EXOC1: variants seen among roughly 807,000 people sequenced by gnomAD.
The protein encoded by EXOC1 is SEC3-like 1.
Under a neutral mutation model 107.7 loss-of-function variants are expected in EXOC1, and 67 were observed. The observed-to-expected ratio is 0.62, with a 90% CI of 0.51 to 0.76. The LOEUF is 0.76. Ranked by LOEUF, EXOC1 falls within the 30% of genes least tolerant of loss-of-function variation. The pLI is 0.00. For missense variants in EXOC1, 833 were observed against 1,055.7 expected, an observed-to-expected ratio of 0.79 and a Z score of 2.92; for synonymous variants, 348 against 353.5, an observed-to-expected ratio of 0.98 and a Z score of 0.17.
intron 11 of EXOC1, 134 bp from the exon 12 acceptor site, chr4:55,890,089 T>C (rs562626116): frequency 1.2e-5 from 9 of 754,342 alleles, no homozygotes; most frequent in African/African-American, 1.1e-4. Flanking sequence ...CTATCCCTTA[T>C]AGAAGATTTG....
In EXOC1 at chr4:55,877,904, T is replaced by G. The variant is rs764428602; in HGVS notation, c.1075-13T>G. ...TGTTGATTACATTTATTTACTTATT[T>G]TACTCACTTTAGGGTCATGATCAGA... On this transcript the variant is annotated splice_polypyrimidine_tract_variant and intron_variant, in intron 8 of 18. Coordinates refer to ENST00000381295, the MANE Select transcript of EXOC1 (RefSeq NM_001024924.2). The G allele has an allele frequency of 6.2e-7, 1 of 1,612,552 alleles. No individual in the cohort carries two copies. Among genetic ancestry groups the G allele is most frequent in the Non-Finnish European group, 8.5e-7 (1 of 1,179,508 alleles).
chr4:55,871,546 C>T (rs1357252009), intron 7 of EXOC1, among the ~76,000 whole-genome samples: 4 of 152,116 alleles, frequency 2.6e-5, no homozygotes, highest in African/African-American at 9.7e-5. Context: ...GAGTGTCCGT[C>T]AGAATCCCTA....
chr4:55,883,742 A>T (rs1723619828), intron 9 of EXOC1, 81 bp from the exon 10 acceptor site: 2 of 790,378 alleles, frequency 2.5e-6, no homozygotes, highest in African/African-American at 1.8e-5. Flanking sequence ...TAAAACAAGC[A>T]TGAAGGACTT....
chr4:55,868,816 C>T (rs533135331), intron 5 of EXOC1: 1 of 252,262 alleles, frequency 4.0e-6, no homozygotes, highest in Non-Finnish European at 7.6e-6. Context: ...TTGATTCGCT[C>T]AGCCTCTGAA....
chr4:55,896,736 T>C lies in EXOC1; in HGVS notation c.1973T>C (p.Met658Thr), dbSNP rs1725252427. The stretch of plus-strand genomic sequence containing the variant: ...CTTTAGAGTAACCAAATAAGGCAAA[T>C]GGAAGAAGTAAAGATCTCAAAAAAG... ...DKCISNQIRQMEEVKISKKSK... is the reference protein window; with the variant it reads ...DKCISNQIRQTEEVKISKKSK... Residue 658 changes from methionine (M) to threonine (T), a missense_variant, in exon 16 of 19, where the codon ATG becomes ACG. By Grantham distance (81) the Met-to-Thr change is moderately conservative. Around this residue, in one of 2 missense-constraint regions of EXOC1, gnomAD observed 216 missense variants for 354.4 expected, o/e 0.61. Coordinates refer to ENST00000381295, the MANE Select transcript of EXOC1 (RefSeq NM_001024924.2). 6.2e-7 allele frequency: 1 copy of C among 1,605,858 alleles called. No individual in the cohort carries two copies. The highest frequency in any genetic ancestry group is 1.3e-5 in the African/African-American group (1 of 74,280).
At chr4:55,884,094 T>C (rs57299829) in intron 10 of EXOC1, among the ~76,000 whole-genome samples, 166 bp downstream of exon 10, 9,611 of 152,306 alleles carry the variant, frequency 0.063, 377 homozygotes, top group Non-Finnish European at 0.077. Context: ...AGAACAAATA[T>C]GTATATCTGT....
At position 55,868,475 on chromosome 4, in the gene EXOC1, G is replaced by C. The variant is rs146961843; in HGVS notation, c.555G>C (p.Ala185=). ...MEGCEYAISN[A]EAFAEKLSRE... ...GCTGTGAATATGCAATCTCGAATGC[G>C]GAAGCCTTTGCAGAAAAATTGTCCA... The change falls in exon 5 of 19, where the codon GCG becomes GCC. Residue 185 remains alanine, a synonymous_variant. Transcript: ENST00000381295. The C allele has an allele frequency of 9.9e-6, 16 of 1,613,608 alleles. No individual in the cohort carries two copies. The highest frequency in any genetic ancestry group is 1.4e-5 in the Non-Finnish European group (16 of 1,179,792).
At chr4:55,886,583 A>C (rs11729246) in intron 10 of EXOC1, among the ~76,000 whole-genome samples, 24 of 149,234 alleles carry the variant, frequency 1.6e-4, no homozygotes, top group Non-Finnish European at 2.6e-4. Context: ...AACAAAAAAA[A>C]AAAAAACAAG....
At chr4:55,903,901 T>G (rs149300331) in intron 18 of EXOC1, among the ~76,000 whole-genome samples, 1 of 152,176 alleles carries the variant, frequency 6.6e-6, no homozygotes, top group Non-Finnish European at 1.5e-5. Context: ...AAGAAAACTT[T>G]AAATGTTATA....
intron 10 of EXOC1, among the ~76,000 whole-genome samples, chr4:55,887,435 C>G (rs1195668691): frequency 1.3e-5 from 2 of 151,900 alleles, no homozygotes; most frequent in Non-Finnish European, 2.9e-5. Flanking sequence ...AAACAAAGAC[C>G]CTACCTTTAT....
intron 5 of EXOC1, among the ~76,000 whole-genome samples, chr4:55,869,255 A>C (rs1374910650): frequency 2.6e-5 from 4 of 152,002 alleles, no homozygotes; most frequent in Non-Finnish European, 4.4e-5. Context: ...GGTCCCAGCT[A>C]CTTGGGAGGC....
chr4:55,899,403 G>A (rs922859650), intron 16 of EXOC1, among the ~76,000 whole-genome samples: 6 of 151,924 alleles, frequency 3.9e-5, no homozygotes, highest in South Asian at 2.1e-4. Context: ...TGGTCCAGCC[G>A]GTTGTCCTAA....
intron 10 of EXOC1, among the ~76,000 whole-genome samples, chr4:55,885,122 T>G (rs1265128127): frequency 2.6e-5 from 4 of 152,194 alleles, no homozygotes; most frequent in Non-Finnish European, 5.9e-5. Flanking sequence ...TGCTTTTTTT[T>G]TTGAGTAAAC....
intron 4 of EXOC1, among the ~76,000 whole-genome samples, chr4:55,867,054 GGACA>G (rs1722022279): frequency 6.6e-6 from 1 of 152,090 alleles, no homozygotes; most frequent in Admixed American, 6.5e-5. Context: ...TGGCTTTCAA[GGACA>G]TATCATTAGA....
intron 10 of EXOC1, among the ~76,000 whole-genome samples, chr4:55,886,324 G>A (rs1021154793): frequency 6.6e-6 from 1 of 151,896 alleles, no homozygotes; most frequent in Non-Finnish European, 1.5e-5. Flanking sequence ...AGGCTGAGCC[G>A]GGAGGATGAC....
chr4:55,890,142 G>T lies in EXOC1; in HGVS notation c.1376-81G>T, dbSNP rs890892602. The T allele has an allele frequency of 2.0e-5, 28 of 1,372,688 alleles. No homozygotes were observed. In the African/African-American group the frequency reaches 3.0e-4, roughly 15 times the overall value. 85.0% of individuals were successfully genotyped at this position (1,372,688 alleles called of 1,614,324 possible). A position where few individuals can be genotyped will look rare whatever the true frequency, so the allele number is the denominator to read the frequency against. Reference sequence around the variant, plus strand: ...GCCCTGGAAGATCAAGCCAGTAGAAGATAGAAGATCTATCCCTGCTTTATA... The same window carrying T: ...GCCCTGGAAGATCAAGCCAGTAGAATATAGAAGATCTATCCCTGCTTTATA... On this transcript the variant is annotated intron_variant, in intron 11 of 18. Coordinates refer to ENST00000381295, the MANE Select transcript of EXOC1 (RefSeq NM_001024924.2).
rs370724780 is a variant in EXOC1, at chr4:55,900,265, G to A, written c.2337+381G>A. On this transcript the variant is annotated intron_variant, in intron 17 of 18. Coordinates refer to ENST00000381295, the MANE Select transcript of EXOC1 (RefSeq NM_001024924.2). Reference sequence around the variant, plus strand: ...AATAGCTTATAAATTACAAAGCTGGGGGATGAACCTAGATTAGGCTTTGCC... The same window carrying A: ...AATAGCTTATAAATTACAAAGCTGGAGGATGAACCTAGATTAGGCTTTGCC... 9.4e-4 allele frequency among the ~76,000 whole-genome samples: 143 copies of A among 152,070 alleles called. 1 individual carries two copies. In the South Asian group the frequency reaches 0.029, roughly 31 times the overall value.
At chr4:55,855,578 T>C (rs1468135776) in intron 1 of EXOC1, among the ~76,000 whole-genome samples, 1 of 152,122 alleles carries the variant, frequency 6.6e-6, no homozygotes, top group African/African-American at 2.4e-5. Context: ...AAAATACAAT[T>C]CATAAATGCC....
chr4:55,896,306 C>T (rs1725193969), intron 15 of EXOC1, among the ~76,000 whole-genome samples: 1 of 151,966 alleles, frequency 6.6e-6, no homozygotes, highest in South Asian at 2.1e-4. Context: ...TGCACGACCC[C>T]ACCCAGCTAA....
Sources: gnomAD v4.1 joint callset for allele counts (sites outside exome capture counted in the v4.1 genomes callset) on GRCh38, gnomAD v4.1.1 for gene constraint, gnomAD v4.1.1 regional missense constraint, MANE v1.5 for transcripts, NCBI Gene and HGNC (gene_info 2026-07-23, HGNC 2026-07-21) for gene names.